Variants in FAM184B observed in about 807,000 individuals in gnomAD.
FAM184B encodes the protein family with sequence similarity 184 member B, also known as protein FAM184B.
In FAM184B, 111 loss-of-function variants were observed where a neutral mutation model predicts 135.9. The observed-to-expected ratio is 0.82, with a 90% CI of 0.70 to 0.96. The LOEUF is 0.96. Among genes scored for constraint, FAM184B ranks in the 40% least tolerant of loss-of-function variants. The pLI, the probability that FAM184B is intolerant of heterozygous loss-of-function variation, is 0.00. For synonymous variants in FAM184B, 552 were observed against 524.8 expected (o/e 1.05, Z -0.71); for missense variants, 1,375 against 1,323.9 (o/e 1.04, Z -0.60).
rs1430743789 is a variant in FAM184B, at chr4:17,631,084, T to TTCTC, written c.*1447_*1448insGAGA. ...GAAGGTAAGACAAATCAGTGTGGACTGAGAGCAAGGTCAGCACCGTGAACA... is the reference window on the plus strand; with the variant it reads ...GAAGGTAAGACAAATCAGTGTGGACTTCTCGAGAGCAAGGTCAGCACCGTGAACA... On this transcript the variant is annotated 3_prime_UTR_variant, in exon 18 of 18. Transcript: ENST00000265018. The TTCTC allele has an allele frequency of 3.9e-5, 6 of 152,356 alleles. No individual in the cohort carries two copies. The highest frequency in any genetic ancestry group is 1.4e-4 in the African/African-American group (6 of 41,578). The allele number at this position is 152,356 out of a possible 1,614,324, so 9.4% of individuals were successfully genotyped here.
At chr4:17,692,522 T>C (rs1395854846) in intron 6 of FAM184B, among the ~76,000 whole-genome samples, 1 of 152,236 alleles carries the variant, frequency 6.6e-6, no homozygotes, top group Non-Finnish European at 1.5e-5. Context: ...CTCTCCCTTC[T>C]AGAGATAACC....
At chr4:17,740,351 C>CAAAAAAAAA in intron 1 of FAM184B, among the ~76,000 whole-genome samples, 1 of 84,532 alleles carries the variant, frequency 1.2e-5, no homozygotes, top group Non-Finnish European at 2.1e-5. Context: ...GACCCTGTCT[C>CAAAAAAAAA]AAAAAAAAAA....
chr4:17,646,074 AAAC>A (rs1285752088), intron 12 of FAM184B, among the ~76,000 whole-genome samples: 2 of 152,184 alleles, frequency 1.3e-5, no homozygotes, highest in Non-Finnish European at 2.9e-5. Context: ...AAAAGTCAGG[AAAC>A]AACAGGTGCT....
intron 1 of FAM184B, among the ~76,000 whole-genome samples, chr4:17,742,168 AT>A (rs869228150): frequency 4.8e-4 from 53 of 109,292 alleles, no homozygotes; most frequent in African/African-American, 2.4e-3. Context: ...ATATATATAT[AT>A]TTTTTTTTTT....
chr4:17,682,919 G>A lies in FAM184B; in HGVS notation c.1596+5505C>T, dbSNP rs1716482196. ...CCCCAATCCAGCAGGAACATCACTG[G>A]GGAAGTTGTCATTTAATATCCTGTT... On this transcript the variant is annotated intron_variant, in intron 7 of 17. Transcript: ENST00000265018. Among the ~76,000 whole-genome samples, 3 of 152,228 alleles carry A rather than the reference G, an allele frequency of 2.0e-5. No individual in the cohort carries two copies. The South Asian group carries it at 6.2e-4, about 32-fold the overall frequency.
intron 8 of FAM184B, among the ~76,000 whole-genome samples, chr4:17,663,615 A>AACACACACACACACACACACAC (rs113627829): frequency 4.3e-4 from 65 of 150,540 alleles, no homozygotes; most frequent in African/African-American, 1.6e-3. Context: ...TCCCATTCAC[A>AACACACACACACACACACACAC]ACACACACAC....
At chr4:17,756,392 A>C (rs890086333) in intron 1 of FAM184B, among the ~76,000 whole-genome samples, 1 of 152,238 alleles carries the variant, frequency 6.6e-6, no homozygotes, top group African/African-American at 2.4e-5. Context: ...GAAACATATG[A>C]AATATTATGT....
intron 11 of FAM184B, among the ~76,000 whole-genome samples, chr4:17,652,127 A>AT: frequency 9.2e-6 from 1 of 108,810 alleles, no homozygotes. Context: ...TATATTTAAT[A>AT]TCTTTTTTTT....
chr4:17,645,937 C>T (rs1389821970), intron 12 of FAM184B, among the ~76,000 whole-genome samples: 1 of 152,180 alleles, frequency 6.6e-6, no homozygotes, highest in African/African-American at 2.4e-5. Context: ...AGACACTTCT[C>T]AAAAGAAGAC....
At chr4:17,742,137 AATATATATATATATAT>A (rs372209332) in intron 1 of FAM184B, among the ~76,000 whole-genome samples, 432 of 26,458 alleles carry the variant, frequency 0.016, 4 homozygotes, top group Middle Eastern at 0.036. Context: ...TATACATATG[AATATATATATATATAT>A]ATATATATAT....
chr4:17,765,977 C>T (rs1379569392), intron 1 of FAM184B, among the ~76,000 whole-genome samples: 5 of 152,074 alleles, frequency 3.3e-5, no homozygotes, highest in African/African-American at 2.4e-5. Context: ...GTTATTCATT[C>T]CCCCCGGCAG....
At chr4:17,656,838 C>T (rs946052969) in intron 10 of FAM184B, among the ~76,000 whole-genome samples, 4 of 152,150 alleles carry the variant, frequency 2.6e-5, no homozygotes, top group Non-Finnish European at 4.4e-5. Context: ...CTCCTGTCCT[C>T]GGAGGCAGCC....
intron 12 of FAM184B, among the ~76,000 whole-genome samples, chr4:17,646,746 A>G (rs1477807508): frequency 1.3e-5 from 2 of 152,186 alleles, no homozygotes; most frequent in African/African-American, 2.4e-5. Context: ...AAAAAAAGAA[A>G]AGAAAGTGAT....
At chr4:17,671,783 G>A (rs372191699) in intron 7 of FAM184B, among the ~76,000 whole-genome samples, 1 of 151,900 alleles carries the variant, frequency 6.6e-6, no homozygotes, top group Non-Finnish European at 1.5e-5. Context: ...TTTCAACAGA[G>A]AGGATATATT....
chr4:17,737,636 T>A (rs1419318203), intron 1 of FAM184B, among the ~76,000 whole-genome samples: 2 of 152,174 alleles, frequency 1.3e-5, no homozygotes, highest in African/African-American at 2.4e-5. Context: ...AGAAGTTGAG[T>A]TGACTGATTT....
chr4:17,719,062 GT>G (rs1486546195), intron 1 of FAM184B, among the ~76,000 whole-genome samples: 1 of 152,148 alleles, frequency 6.6e-6, no homozygotes, highest in Non-Finnish European at 1.5e-5. Context: ...CTATACGTAT[GT>G]ACATATCTGT....
intron 11 of FAM184B, 128 bp from the exon 12 acceptor site, chr4:17,647,919 T>G (rs1577245612): frequency 9.6e-7 from 1 of 1,046,252 alleles, no homozygotes; most frequent in Non-Finnish European, 1.4e-6. Context: ...GTGGGTTAGG[T>G]TCCCCAAACC....
chr4:17,745,747 G>A (rs1334221494), intron 1 of FAM184B, among the ~76,000 whole-genome samples: 1 of 152,154 alleles, frequency 6.6e-6, no homozygotes, highest in Non-Finnish European at 1.5e-5. Flanking sequence ...CTGACACACA[G>A]GTGAATCCTC....
chr4:17,700,282 G>T (rs1560179800), intron 5 of FAM184B, among the ~76,000 whole-genome samples: 1 of 151,990 alleles, frequency 6.6e-6, no homozygotes, highest in Non-Finnish European at 1.5e-5. Flanking sequence ...TACCACAAAA[G>T]CACTTTTAAT....
Sources: gnomAD v4.1 joint callset for allele counts (sites outside exome capture counted in the v4.1 genomes callset) on GRCh38, gnomAD v4.1.1 for gene constraint, MANE v1.5 for transcripts, NCBI Gene and HGNC (gene_info 2026-07-23, HGNC 2026-07-21) for gene names.